DNAH3: variants seen among roughly 807,000 people sequenced by gnomAD.
The protein encoded by DNAH3 is axonemal beta dynein heavy chain 3.
A neutral mutation model predicts 432.5 loss-of-function variants in DNAH3; 332 were observed. That is an observed-to-expected ratio of 0.77 (90% confidence interval 0.70 to 0.84). The LOEUF is 0.84. Among genes scored for constraint, DNAH3 ranks in the 40% least tolerant of loss-of-function variants. The pLI is 0.00. For synonymous variants in DNAH3, 1,956 were observed against 1,900.2 expected (o/e 1.03, Z -0.76); for missense variants, 4,861 against 5,114.0 (o/e 0.95, Z 1.51).
chr16:21,136,485 A>G, exon 6 of DNAH3: 1 of 1,614,180 alleles, frequency 6.2e-7, no homozygotes, highest in Non-Finnish European at 8.5e-7. Flanking sequence ...GTCTTTGCGA[A>G]TTCCATTGGT....
intron 54 of DNAH3, among the ~76,000 whole-genome samples, chr16:20,958,222 G>A (rs192631733): frequency 6.6e-6 from 1 of 151,768 alleles, no homozygotes; most frequent in African/African-American, 2.4e-5. Flanking sequence ...ACAAATGTGC[G>A]CCACCATGCC....
At chr16:21,042,751 A>G (rs2089504404) in intron 31 of DNAH3, among the ~76,000 whole-genome samples, 1 of 152,054 alleles carries the variant, frequency 6.6e-6, no homozygotes, top group African/African-American at 2.4e-5. Flanking sequence ...TACATGTGCC[A>G]TGCTGGTGCG....
intron 50 of DNAH3, among the ~76,000 whole-genome samples, chr16:20,977,578 C>T (rs1258498614): frequency 6.6e-6 from 1 of 152,108 alleles, no homozygotes; most frequent in African/African-American, 2.4e-5. Flanking sequence ...TGTGTGAGAC[C>T]ACAAGCACAG....
At chr16:21,069,055 G>A (rs977051707) in intron 23 of DNAH3, among the ~76,000 whole-genome samples, 7 of 152,070 alleles carry the variant, frequency 4.6e-5, no homozygotes, top group Admixed American at 3.9e-4. Flanking sequence ...CCTCCGAGTA[G>A]CTGGGATTAC....
chr16:20,936,247 G>A (rs2083585603), intron 60 of DNAH3, among the ~76,000 whole-genome samples: 1 of 151,872 alleles, frequency 6.6e-6, no homozygotes, highest in African/African-American at 2.4e-5. Context: ...CTGCCTCCCA[G>A]GTTCAAGCCA....
rs373148600 is a variant in DNAH3 at position 20,944,487 on chromosome 16, C to T, written c.11511+9G>A. 1 of 1,613,742 alleles carries T rather than the reference C, an allele frequency of 6.2e-7. No homozygotes were observed. Among genetic ancestry groups the T allele is most frequent in the African/African-American group, 1.3e-5 (1 of 74,890 alleles). ...ATAGGATTAAGCCCCCTTTCCCGAG[C>T]CCAGTTACCTGAGGGGACTTGCCAC... is the stretch of plus-strand genomic sequence containing the variant. On this transcript the variant is annotated intron_variant, in intron 58 of 61. Coordinates refer to ENST00000261383, the Ensembl canonical transcript of DNAH3.
chr16:20,994,108 A>T (rs1470568551), intron 44 of DNAH3, among the ~76,000 whole-genome samples: 3 of 151,814 alleles, frequency 2.0e-5, no homozygotes, highest in Non-Finnish European at 4.4e-5. Flanking sequence ...TTTTCTCTCA[A>T]ATCCTTTTAA....
At chr16:21,143,652 T>C (rs1161180787) in intron 3 of DNAH3, among the ~76,000 whole-genome samples, 2 of 152,336 alleles carry the variant, frequency 1.3e-5, no homozygotes, top group East Asian at 3.9e-4. Flanking sequence ...CATTTGGGCA[T>C]TAATTATTTG....
chr16:21,127,148 T>C (rs1048436632), intron 8 of DNAH3, among the ~76,000 whole-genome samples: 20 of 151,446 alleles, frequency 1.3e-4, no homozygotes, highest in Non-Finnish European at 2.5e-4. Flanking sequence ...GTCTAAAGGA[T>C]TCGAGGAGGA....
At chr16:20,969,668 A>T in intron 52 of DNAH3, 124 bp downstream of exon 52, 2 of 1,121,434 alleles carry the variant, frequency 1.8e-6, no homozygotes, top group African/African-American at 1.5e-5. Context: ...TTCCTTTCTT[A>T]ATTCCTCCAA....
intron 31 of DNAH3, among the ~76,000 whole-genome samples, chr16:21,046,134 A>T (rs1406652119): frequency 7.0e-6 from 1 of 142,348 alleles, no homozygotes; most frequent in Non-Finnish European, 1.5e-5. Context: ...TGTGGTGCTG[A>T]AAAAAATGTA....
exon 7 of DNAH3, chr16:21,134,360 C>A (rs2092612382): frequency 6.2e-7 from 1 of 1,614,190 alleles, no homozygotes; most frequent in Non-Finnish European, 8.5e-7. Context: ...TGTGCCAGGG[C>A]ACAGGGGCCC....
intron 42 of DNAH3, among the ~76,000 whole-genome samples, chr16:21,002,449 T>C (rs1180624820): frequency 6.9e-6 from 1 of 145,334 alleles, no homozygotes; most frequent in Non-Finnish European, 1.5e-5. Flanking sequence ...GTGTTGTTAT[T>C]ATTATTATTA....
chr16:21,035,343 A>G (rs561446729), intron 35 of DNAH3, among the ~76,000 whole-genome samples: 5 of 152,268 alleles, frequency 3.3e-5, no homozygotes, highest in Non-Finnish European at 7.4e-5. Flanking sequence ...AACGAATAAG[A>G]GAGGAAAACA....
chr16:21,021,872 T>C (rs971546492), intron 40 of DNAH3, 99 bp downstream of exon 40: 138 of 1,430,862 alleles, frequency 9.6e-5, no homozygotes, highest in Non-Finnish European at 1.3e-4. Flanking sequence ...CACTGCACTC[T>C]AGCCTTGGTG....
At chr16:21,020,348 G>GTGTGTGTGTATATATATATA in intron 40 of DNAH3, among the ~76,000 whole-genome samples, 36 of 69,138 alleles carry the variant, frequency 5.2e-4, no homozygotes, top group African/African-American at 2.0e-3. Flanking sequence ...TATAGTGTGT[G>GTGTGTGTGTATATATATATA]TATATATATA....
intron 9 of DNAH3, among the ~76,000 whole-genome samples, chr16:21,122,803 T>G (rs2092371934): frequency 7.3e-6 from 1 of 137,296 alleles, no homozygotes; most frequent in Non-Finnish European, 1.6e-5. Flanking sequence ...ACTTCCTCTG[T>G]TTTTTTTTTA....
Position 21,136,405 on chromosome 16 carries a change from TCG to T in DNAH3, c.803_804del (p.Thr268LysfsTer18), listed in dbSNP as rs773580646. On this transcript the variant is annotated frameshift_variant, in exon 6 of 62. Coordinates refer to ENST00000261383, the Ensembl canonical transcript of DNAH3. LOFTEE classifies it high-confidence loss of function. ...ACCATCAGGGGCTCCAGGAAGGGAC[TCG>T]TCAGCAGCGTGTTAGAAATCAGCTT... 2.5e-6 allele frequency: 4 copies of T among 1,613,956 alleles called. No homozygotes were observed. The African/African-American group carries it at 5.3e-5, about 22-fold the overall frequency.
intron 6 of DNAH3, among the ~76,000 whole-genome samples, chr16:21,135,988 C>T (rs2092636992): frequency 6.6e-6 from 1 of 151,816 alleles, no homozygotes; most frequent in Non-Finnish European, 1.5e-5. Flanking sequence ...CAGGGATGCA[C>T]GTGAATATGT....
Sources: gnomAD v4.1 joint callset for allele counts (sites outside exome capture counted in the v4.1 genomes callset) on GRCh38, gnomAD v4.1.1 for gene constraint, MANE v1.5 for transcripts, NCBI Gene and HGNC (gene_info 2026-07-23, HGNC 2026-07-21) for gene names.